The following SEMA5A variants were observed in gnomAD, a reference collection of about 807,000 sequenced individuals.
SEMA5A encodes semaphorin-5A.
SEMA5A carries 55 observed loss-of-function variants against 135.5 expected under a neutral mutation model. That is an observed-to-expected ratio of 0.41 (90% CI 0.33 to 0.51). The LOEUF (loss-of-function observed/expected upper bound fraction) is 0.51, where lower values mean the gene tolerates loss of function less well. SEMA5A is among the 20% of genes least tolerant of loss of function. SEMA5A has a pLI of 0.37. For synonymous variants in SEMA5A, 580 were observed against 546.5 expected, an observed-to-expected ratio of 1.06 and a Z score of -0.85; for missense variants, 1,290 against 1,419.9, an observed-to-expected ratio of 0.91 and a Z score of 1.47.
At chr5:9,477,517 G>A (rs1759712865) in intron 1 of SEMA5A, among the ~76,000 whole-genome samples, 2 of 152,300 alleles carry the variant, frequency 1.3e-5, no homozygotes, top group South Asian at 4.1e-4. Flanking sequence ...AGGCTGAGGT[G>A]CTCTCAGATG....
intron 1 of SEMA5A, among the ~76,000 whole-genome samples, chr5:9,515,558 G>A (rs2126857524): frequency 6.6e-6 from 1 of 152,220 alleles, no homozygotes; most frequent in East Asian, 1.9e-4. Context: ...ATTAATTTTA[G>A]ACCCCATAAG....
At chr5:9,206,506 A>C (rs1312500078) in intron 8 of SEMA5A, among the ~76,000 whole-genome samples, 4 of 152,146 alleles carry the variant, frequency 2.6e-5, no homozygotes, top group Non-Finnish European at 5.9e-5. Flanking sequence ...AAAACCAAAT[A>C]CTGAGAATCC....
At chr5:9,400,501 A>ATTTTTTTTTTTTTTTTTTTTTTTTT (rs1215358817) in intron 2 of SEMA5A, among the ~76,000 whole-genome samples, 1 of 87,040 alleles carries the variant, frequency 1.1e-5, no homozygotes, top group Non-Finnish European at 2.1e-5. Flanking sequence ...CACAATGTAC[A>ATTTTTTTTTTTTTTTTTTTTTTTTT]TTTTTTTTTT....
chr5:9,049,099 C>G (rs977302026), intron 21 of SEMA5A, among the ~76,000 whole-genome samples: 5 of 152,164 alleles, frequency 3.3e-5, no homozygotes, highest in African/African-American at 1.2e-4. Context: ...AATGAATGAA[C>G]TAACAGACTG....
intron 15 of SEMA5A, among the ~76,000 whole-genome samples, chr5:9,116,619 A>T (rs1401946288): frequency 6.6e-6 from 1 of 152,184 alleles, no homozygotes; most frequent in Non-Finnish European, 1.5e-5. Flanking sequence ...CCTACCATTA[A>T]CTTAGGGAAT....
chr5:9,225,064 G>T (rs898744521), intron 7 of SEMA5A, among the ~76,000 whole-genome samples, 177 bp from the exon 8 acceptor site: 1 of 152,042 alleles, frequency 6.6e-6, no homozygotes, highest in Non-Finnish European at 1.5e-5. Flanking sequence ...TCTGCTCATG[G>T]TAAGACAGTC....
rs180959530 is a variant in SEMA5A at position 9,265,179 on chromosome 5, G to C, written c.271-27289C>G. Among the ~76,000 whole-genome samples the C allele has an allele frequency of 2.3e-3, 347 of 152,248 alleles. 2 individuals are homozygous for C. The highest frequency in any genetic ancestry group is 7.9e-3 in the African/African-American group (327 of 41,536). On this transcript the variant is annotated intron_variant, in intron 5 of 22. Transcript: ENST00000382496. ...CACCGCGAGACATTTTGGTGTGAGAGTAAAATTCAGCTCCACGGTCGTGTG... is the reference window on the plus strand; with the variant it reads ...CACCGCGAGACATTTTGGTGTGAGACTAAAATTCAGCTCCACGGTCGTGTG...
intron 4 of SEMA5A, among the ~76,000 whole-genome samples, chr5:9,323,516 C>T (rs570519643): frequency 6.6e-6 from 1 of 152,170 alleles, no homozygotes; most frequent in South Asian, 2.1e-4. Context: ...CTTATCAGAA[C>T]TATTTATCAT....
At chr5:9,384,637 TAGATAG>T (rs1415800449) in intron 2 of SEMA5A, among the ~76,000 whole-genome samples, 4 of 119,218 alleles carry the variant, frequency 3.4e-5, no homozygotes, top group African/African-American at 1.0e-4. Context: ...GATAGATAGA[TAGATAG>T]ATAGATAGAT....
At chr5:9,501,687 G>A (rs1416131827) in intron 1 of SEMA5A, among the ~76,000 whole-genome samples, 2 of 152,088 alleles carry the variant, frequency 1.3e-5, no homozygotes, top group African/African-American at 4.8e-5. Context: ...TTTAAGTACT[G>A]ACATGAAGAC....
chr5:9,210,666 A>T (rs1279175374), intron 8 of SEMA5A, among the ~76,000 whole-genome samples: 2 of 152,078 alleles, frequency 1.3e-5, no homozygotes, highest in Non-Finnish European at 1.5e-5. Context: ...TCTGGAGTGG[A>T]TCTGTTTTCA....
intron 5 of SEMA5A, among the ~76,000 whole-genome samples, chr5:9,304,980 T>C (rs1257837680): frequency 6.6e-6 from 1 of 152,118 alleles, no homozygotes; most frequent in Non-Finnish European, 1.5e-5. Flanking sequence ...ACCTCAGATA[T>C]CCCATTATTG....
At chr5:9,380,208 G>A (rs888523786) in intron 2 of SEMA5A, 185 bp from the exon 3 acceptor site, 7 of 435,324 alleles carry the variant, frequency 1.6e-5, no homozygotes, top group South Asian at 3.4e-5. Context: ...GAATGCATGC[G>A]TGAGTGCGTG....
At position 9,235,919 on chromosome 5, in the gene SEMA5A, A is replaced by G. The variant is rs781051225; in HGVS notation, c.333+1909T>C. 3.3e-5 allele frequency among the ~76,000 whole-genome samples: 5 copies of G among 152,192 alleles called. No individual in the cohort carries two copies. The South Asian group carries it at 6.2e-4, about 19-fold the overall frequency. On this transcript the variant is annotated intron_variant, in intron 6 of 22. Transcript: ENST00000382496. ...AAGGAAAGAGGCTTAATGGACTCATAGTTCCACATGACTGGGGAGTCCACA... is the reference window on the plus strand; with the variant it reads ...AAGGAAAGAGGCTTAATGGACTCATGGTTCCACATGACTGGGGAGTCCACA...
intron 5 of SEMA5A, among the ~76,000 whole-genome samples, chr5:9,282,901 G>A (rs983621442): frequency 2.0e-5 from 3 of 152,078 alleles, no homozygotes; most frequent in African/African-American, 7.2e-5. Context: ...GCTGTTAATC[G>A]ATTGAGCCAT....
At chr5:9,344,002 C>T (rs576042971) in intron 3 of SEMA5A, among the ~76,000 whole-genome samples, 32 of 152,196 alleles carry the variant, frequency 2.1e-4, no homozygotes, top group African/African-American at 7.0e-4. Flanking sequence ...CTGGTGCCAG[C>T]GTGTGAATGC....
At chr5:9,132,178 T>C (rs529737188) in intron 13 of SEMA5A, among the ~76,000 whole-genome samples, 2 of 152,162 alleles carry the variant, frequency 1.3e-5, no homozygotes, top group Non-Finnish European at 2.9e-5. Context: ...TAAATAGGGA[T>C]CCCTCTGTAG....
intron 2 of SEMA5A, among the ~76,000 whole-genome samples, chr5:9,434,644 T>C (rs969336730): frequency 6.6e-6 from 1 of 152,150 alleles, no homozygotes; most frequent in African/African-American, 2.4e-5. Flanking sequence ...GGGATTATAT[T>C]AAATATATTA....
intron 1 of SEMA5A, among the ~76,000 whole-genome samples, chr5:9,464,059 T>G (rs962507797): frequency 5.3e-5 from 8 of 152,136 alleles, no homozygotes; most frequent in Admixed American, 5.2e-4. Context: ...AGCTGGTCTG[T>G]GCATGGTGAG....
Sources: allele counts gnomAD v4.1 joint callset (sites outside exome capture counted in the v4.1 genomes callset), GRCh38; gene constraint gnomAD v4.1.1; transcripts MANE v1.5; gene names NCBI Gene and HGNC (gene_info 2026-07-23, HGNC 2026-07-21).